The following VPS53 variants were observed in gnomAD, a reference collection of about 807,000 sequenced individuals.
VPS53 encodes the protein vacuolar protein sorting-associated protein 53 homolog.
VPS53 carries 70 observed loss-of-function variants against 107.0 expected under a neutral mutation model. The ratio of observed to expected loss-of-function variants is 0.65; its 90% CI spans 0.54 to 0.80. VPS53 has a LOEUF of 0.80. Ranked by LOEUF, VPS53 falls within the 30% of genes least tolerant of loss-of-function variation. The pLI is 0.00. For missense variants in VPS53, 917 were observed against 1,049.4 expected, an observed-to-expected ratio of 0.87 and a Z score of 1.74; for synonymous variants, 409 against 393.3, an observed-to-expected ratio of 1.04 and a Z score of -0.47.
chr17:619,920 G>A (rs11649777), intron 11 of VPS53, among the ~76,000 whole-genome samples: 812 of 45,270 alleles, frequency 0.018, 177 homozygotes, highest in Admixed American at 0.031. Context: ...ACAGGCGTGC[G>A]CCACCACGCC....
chr17:637,272 A>G (rs1970236292), intron 7 of VPS53, among the ~76,000 whole-genome samples: 2 of 152,048 alleles, frequency 1.3e-5, no homozygotes, highest in Non-Finnish European at 2.9e-5. Context: ...TATCCCCTTT[A>G]TCATTTTTTA....
At chr17:547,537 G>A (rs1457299958) in intron 17 of VPS53, among the ~76,000 whole-genome samples, 1 of 152,162 alleles carries the variant, frequency 6.6e-6, no homozygotes, top group African/African-American at 2.4e-5. Context: ...ACTGCTGAGA[G>A]GTACGGGGTT....
chr17:663,503 G>A (rs766632596), intron 4 of VPS53, among the ~76,000 whole-genome samples: 4 of 151,978 alleles, frequency 2.6e-5, no homozygotes, highest in Non-Finnish European at 5.9e-5. Flanking sequence ...TGGACCATCC[G>A]TGAGTAAAGA....
rs34123743 is a variant in VPS53 at position 656,700 on chromosome 17, ATGTGTGTGTG to A, written c.373-757_373-748del. ...TTTCTTGGTCCATGCTGACTAAGAAATGTGTGTGTGTGTGTGTGTGTGTGTGTGTGTTTTA... is the reference window on the plus strand; with the variant it reads ...TTTCTTGGTCCATGCTGACTAAGAAATGTGTGTGTGTGTGTGTGTGTTTTA... On this transcript the variant is annotated intron_variant, in intron 5 of 21. Coordinates refer to ENST00000437048, the MANE Select transcript of VPS53 (RefSeq NM_001128159.3). 1,483 of 552,810 alleles carry A rather than the reference ATGTGTGTGTG, an allele frequency of 2.7e-3. 14 individuals carry two copies. The highest frequency in any genetic ancestry group is 0.02 in the African/African-American group (1,025 of 52,118). The allele number at this position is 552,810 out of a possible 1,614,324, so 34.2% of individuals were successfully genotyped here.
At chr17:631,045 C>G (rs969146278) in intron 8 of VPS53, among the ~76,000 whole-genome samples, 3 of 151,996 alleles carry the variant, frequency 2.0e-5, no homozygotes, top group African/African-American at 7.3e-5. Flanking sequence ...GCAGACACAA[C>G]ACAAACAGCT....
Position 552,366 on chromosome 17 carries a change from T to C in VPS53, c.1788-416A>G, listed in dbSNP as rs146137116. On this transcript the variant is annotated intron_variant, in intron 16 of 21. Transcript: ENST00000437048. Reference sequence around the variant, plus strand: ...ATTTTGATTCTTCGTCAATAAGTGGTTGATGTGAAAGCTGAGAATTTTGAT... The same window carrying C: ...ATTTTGATTCTTCGTCAATAAGTGGCTGATGTGAAAGCTGAGAATTTTGAT... Among the ~76,000 whole-genome samples the C allele has an allele frequency of 3.6e-3, 543 of 151,872 alleles. 5 individuals are homozygous for C. Among genetic ancestry groups the C allele is most frequent in the African/African-American group, 0.012 (503 of 41,278 alleles).
At chr17:603,472 C>T (rs536676449) in intron 11 of VPS53, among the ~76,000 whole-genome samples, 3 of 152,314 alleles carry the variant, frequency 2.0e-5, no homozygotes, top group East Asian at 3.9e-4. Flanking sequence ...ACTACACCTG[C>T]GTCTGGTTTT....
intron 4 of VPS53, among the ~76,000 whole-genome samples, chr17:696,868 C>A (rs902892148): frequency 1.3e-5 from 2 of 149,030 alleles, no homozygotes; most frequent in East Asian, 2.0e-4. Context: ...TCTCGCCTCA[C>A]TGCAACCTCT....
At chr17:533,468 C>G (rs1021151601) in intron 18 of VPS53, among the ~76,000 whole-genome samples, 2 of 152,184 alleles carry the variant, frequency 1.3e-5, no homozygotes, top group African/African-American at 4.8e-5. Context: ...CCTCCCTATG[C>G]TTCAACCCAA....
chr17:606,089 G>A (rs1397388794), intron 11 of VPS53, among the ~76,000 whole-genome samples: 1 of 152,134 alleles, frequency 6.6e-6, no homozygotes, highest in Non-Finnish European at 1.5e-5. Flanking sequence ...TGGGGAACTG[G>A]ACTAAGCTGG....
chr17:530,893 T>C (rs551023486), intron 19 of VPS53, among the ~76,000 whole-genome samples: 1 of 152,194 alleles, frequency 6.6e-6, no homozygotes, highest in South Asian at 2.1e-4. Flanking sequence ...AGCAGAAAAA[T>C]GTCTCCCATC....
intron 7 of VPS53, among the ~76,000 whole-genome samples, chr17:643,741 T>A (rs1355815703): frequency 2.0e-5 from 3 of 151,734 alleles, no homozygotes; most frequent in African/African-American, 7.3e-5. Flanking sequence ...AGGACAACAC[T>A]CATACTTGGA....
In VPS53 at chr17:714,808, C is replaced by T; in HGVS notation, c.-99G>A. ...ACAGCAACTCCCTCGCGGCAGCGAC[C>T]TGGTGAGCCCGGCTCCGTCAGCCGC... On this transcript the variant is annotated 5_prime_UTR_variant, in exon 1 of 22. Coordinates refer to ENST00000437048, the MANE Select transcript of VPS53 (RefSeq NM_001128159.3). 7.4e-7 allele frequency: 1 copy of T among 1,354,380 alleles called. No individual in the cohort carries two copies. The highest frequency in any genetic ancestry group is 1.0e-6 in the Non-Finnish European group (1 of 953,586). The allele number at this position is 1,354,380 out of a possible 1,614,324, so 83.9% of individuals were successfully genotyped here.
intron 7 of VPS53, among the ~76,000 whole-genome samples, chr17:635,796 A>G (rs1016429372): frequency 1.2e-4 from 18 of 152,094 alleles, no homozygotes; most frequent in African/African-American, 4.1e-4. Context: ...TTTGGTTACT[A>G]TAGCCTTGTA....
intron 12 of VPS53, among the ~76,000 whole-genome samples, chr17:593,075 A>G (rs1967757233): frequency 1.3e-5 from 2 of 152,232 alleles, no homozygotes; most frequent in Admixed American, 1.3e-4. Context: ...TCCCTATTTA[A>G]TAAATGGTGC....
rs750977676 is a variant in VPS53 at position 710,613 on chromosome 17, C to T, written c.88G>A (p.Val30Met). 1 of 1,608,054 alleles carries T rather than the reference C, an allele frequency of 6.2e-7. No homozygotes were observed. Among genetic ancestry groups the T allele is most frequent in the South Asian group, 1.1e-5 (1 of 90,934 alleles). Reference protein sequence around the residue: ...TPEVQLAIEQVFPSQDPLDRA... With the variant: ...TPEVQLAIEQMFPSQDPLDRA... ...TCTAGAGGGTCCTGGCTTGGAAACA[C>T]CTATATAGAAAGAGAGGAGTATATA... is the stretch of plus-strand genomic sequence containing the variant. Residue 30 changes from valine to methionine, a missense_variant and splice_region_variant, in exon 2 of 22, where the codon GTG (valine) becomes ATG (methionine). Coordinates refer to ENST00000437048, the MANE Select transcript of VPS53 (RefSeq NM_001128159.3).
chr17:623,426 G>A (rs1969554617), intron 11 of VPS53, 107 bp downstream of exon 11: 3 of 1,318,050 alleles, frequency 2.3e-6, no homozygotes, highest in Admixed American at 4.6e-5. Context: ...CTGCAATGAG[G>A]GGTTAAGCAC....
Position 593,267 on chromosome 17 carries a change from A to G in VPS53, c.1219-6903T>C, listed in dbSNP as rs1047139358. ...GGCATGGGCAAGGACTTCATGTCTA[A>G]AACACCAAAAGCAATGGCAACAAAA... On this transcript the variant is annotated intron_variant, in intron 12 of 21. Transcript: ENST00000437048. 1.6e-3 allele frequency among the ~76,000 whole-genome samples: 243 copies of G among 152,282 alleles called. 3 individuals carry two copies. Among genetic ancestry groups the G allele is most frequent in the African/African-American group, 5.5e-3 (228 of 41,564 alleles).
chr17:579,693 C>G (rs1966885434), intron 13 of VPS53, among the ~76,000 whole-genome samples: 1 of 151,684 alleles, frequency 6.6e-6, no homozygotes, highest in African/African-American at 2.4e-5. Flanking sequence ...CAGTGCATTA[C>G]CAGAGAACCA....
Sources: allele counts gnomAD v4.1 joint callset (sites outside exome capture counted in the v4.1 genomes callset), GRCh38; gene constraint gnomAD v4.1.1; transcripts MANE v1.5; gene names NCBI Gene and HGNC (gene_info 2026-07-23, HGNC 2026-07-21).